Variants in NOC2L observed in about 807,000 individuals in gnomAD.
NOC2L encodes the protein NOC2 like nucleolar associated transcriptional repressor, also known as nucleolar complex protein 2 homolog.
NOC2L carries 101 observed loss-of-function variants against 94.2 expected under a neutral mutation model. That is an observed-to-expected ratio of 1.07 (90% CI 0.91 to 1.26). NOC2L has a LOEUF of 1.26. Ranked by LOEUF, NOC2L falls within the 50% of genes most tolerant of loss-of-function variation. The pLI is 0.00. For missense variants in NOC2L, 1,076 were observed against 980.1 expected, an observed-to-expected ratio of 1.10 and a Z score of -1.31; for synonymous variants, 531 against 413.4, an observed-to-expected ratio of 1.28 and a Z score of -3.45.
intron 1 of NOC2L, 65 bp downstream of exon 1, chr1:959,150 G>A (rs1238388726): frequency 1.2e-5 from 19 of 1,612,064 alleles, no homozygotes; most frequent in Non-Finnish European, 1.5e-5. Context: ...AGAGGAGCAA[G>A]AAAAGCCCCC....
intron 18 of NOC2L, 49 bp downstream of exon 18, chr1:945,008 C>G (rs370704332): frequency 4.3e-6 from 7 of 1,613,116 alleles, no homozygotes; most frequent in Non-Finnish European, 5.1e-6. Flanking sequence ...TCTGCCCTCC[C>G]GCCAGATGGG....
In NOC2L at chr1:957,162, G is replaced by A. The variant is rs767851994; in HGVS notation, c.291C>T (p.Phe97=). The part of the protein sequence containing the change: ...LQENDQSLLN[F]SDSDSSEEEE... ...CCTCCTCAGAGCTGTCCGAGTCGCT[G>A]AAGTTTAGCAGGCTCTGGTCATTCT... The change falls in exon 3 of 19, where the codon TTC becomes TTT. Residue 97 remains phenylalanine (F), a synonymous_variant. Coordinates refer to ENST00000327044, the MANE Select transcript of NOC2L (RefSeq NM_015658.4). 1.2e-5 allele frequency: 20 copies of A among 1,614,114 alleles called. No homozygotes were observed. The highest frequency in any genetic ancestry group is 1.5e-5 in the Non-Finnish European group (18 of 1,180,042).
intron 12 of NOC2L, among the ~76,000 whole-genome samples, chr1:949,758 G>C (rs991422318): frequency 6.6e-6 from 1 of 152,202 alleles, no homozygotes; most frequent in Non-Finnish European, 1.5e-5. Flanking sequence ...TGGGCAATCA[G>C]AGACCACTGC....
At position 944,837 on chromosome 1, in the gene NOC2L, T is replaced by C. The variant is rs61551591; in HGVS notation, c.2144-37A>G. ...GATGGAGGCTACATAAATTTTGCTTTATCAGGAAGAAGCCAGCCTTAGAGG... is the reference window on the plus strand; with the variant it reads ...GATGGAGGCTACATAAATTTTGCTTCATCAGGAAGAAGCCAGCCTTAGAGG... On this transcript the variant is annotated intron_variant, in intron 18 of 18. Transcript: ENST00000327044. 133 of 1,442,842 alleles carry C rather than the reference T, an allele frequency of 9.2e-5. No individual in the cohort carries two copies. The African/African-American group carries it at 1.8e-3, about 19-fold the overall frequency. 89.4% of individuals were successfully genotyped at this position (1,442,842 alleles called of 1,614,324 possible).
At chr1:956,700 G>C (rs1008825341) in intron 4 of NOC2L, among the ~76,000 whole-genome samples, 194 bp downstream of exon 4, 1 of 152,224 alleles carries the variant, frequency 6.6e-6, no homozygotes, top group African/African-American at 2.4e-5. Flanking sequence ...CACTTGCGCT[G>C]AAGAAGGCTC....
Position 944,341 on chromosome 1 carries a change from G to A in NOC2L, c.*353C>T. 4.4e-6 allele frequency: 6 copies of A among 1,378,390 alleles called. No individual in the cohort carries two copies. Among genetic ancestry groups the A allele is most frequent in the Non-Finnish European group, 5.6e-6 (6 of 1,073,800 alleles). The allele number at this position is 1,378,390 out of a possible 1,614,324, so 85.4% of individuals were successfully genotyped here. ...TGGGGGAGTGAAGGCAGAGCCTGGT[G>A]CAGATGGACGAGGTCTGCAGACGGA... On this transcript the variant is annotated 3_prime_UTR_variant, in exon 19 of 19. Coordinates refer to ENST00000327044, the MANE Select transcript of NOC2L (RefSeq NM_015658.4).
intron 2 of NOC2L, chr1:957,506 C>A: frequency 3.7e-6 from 2 of 546,150 alleles, no homozygotes; most frequent in South Asian, 2.1e-5. Flanking sequence ...GCTGTGCCTG[C>A]GCCCTGCGCT....
At chr1:953,315 G>T in intron 8 of NOC2L, 27 bp from the exon 9 acceptor site, 1 of 1,367,026 alleles carries the variant, frequency 7.3e-7, no homozygotes, top group East Asian at 2.3e-5. Context: ...GTCACTGGTG[G>T]CCCCCCAGCC....
At chr1:950,494 T>G (rs1642227133) in intron 12 of NOC2L, among the ~76,000 whole-genome samples, 1 of 150,838 alleles carries the variant, frequency 6.6e-6, no homozygotes, top group Non-Finnish European at 1.5e-5. Flanking sequence ...TACACACTGG[T>G]ATACAAAGAC....
rs373469542 is a variant in NOC2L, at chr1:953,149, G to A, written c.1002+26C>T. On this transcript the variant is annotated intron_variant, in intron 9 of 18. Coordinates refer to ENST00000327044, the MANE Select transcript of NOC2L (RefSeq NM_015658.4). Reference sequence around the variant, plus strand: ...GAGATTTCCAATGCAGATGCTGAGGGACACAGACGCAGGGCCCACCACTAC... The same window carrying A: ...GAGATTTCCAATGCAGATGCTGAGGAACACAGACGCAGGGCCCACCACTAC... 3.2e-4 allele frequency: 484 copies of A among 1,522,086 alleles called. 5 individuals are homozygous for A. In the Middle Eastern group the frequency reaches 4.6e-3, roughly 15 times the overall value. The allele number at this position is 1,522,086 out of a possible 1,614,324, so 94.3% of individuals were successfully genotyped here.
At position 944,533 on chromosome 1, in the gene NOC2L, T is replaced by TA. The variant is rs1371683832; in HGVS notation, c.*160dup. 4.8e-6 allele frequency: 3 copies of TA among 621,580 alleles called. No individual in the cohort carries two copies. The highest frequency in any genetic ancestry group is 8.2e-6 in the Non-Finnish European group (3 of 366,768). The allele number at this position is 621,580 out of a possible 1,614,324, so 38.5% of individuals were successfully genotyped here. A position where few individuals can be genotyped will look rare whatever the true frequency, so the allele number is the denominator to read the frequency against. ...CAGCCCAGCCCAGCCCAGCTCTCGA[T>TA]ACGTTTGGTCTTTCATGCTGAAAAA... On this transcript the variant is annotated 3_prime_UTR_variant, in exon 19 of 19. Transcript: ENST00000327044.
In NOC2L at chr1:946,278, C is replaced by T; in HGVS notation, c.1812G>A (p.Trp604Ter). The change falls in exon 16 of 19, where the codon TGG (tryptophan) becomes TGA (stop). Residue 604 changes from tryptophan to a stop codon, truncating the protein, a stop_gained. Transcript: ENST00000327044. LOFTEE classifies it high-confidence loss of function. Reference protein sequence around the residue: ...GVSEQQAVEAWEKLTREEGTP... With the variant: ...GVSEQQAVEA ...TCCCCTCTTCCCGGGTCAGCTTCTC[C>T]CAGGCTTCCTGGGGGGTTGGGGGAG... The T allele has an allele frequency of 6.2e-7, 1 of 1,613,532 alleles. No individual in the cohort carries two copies. Among genetic ancestry groups the T allele is most frequent in the Non-Finnish European group, 8.5e-7 (1 of 1,179,672 alleles).
intron 6 of NOC2L, among the ~76,000 whole-genome samples, chr1:954,967 C>G (rs1033309703): frequency 2.0e-5 from 3 of 152,270 alleles, no homozygotes; most frequent in Non-Finnish European, 4.4e-5. Flanking sequence ...CCCCCGTCCT[C>G]GACCCTCCTC....
chr1:946,104 G>C, intron 16 of NOC2L, 69 bp downstream of exon 16: 1 of 1,184,514 alleles, frequency 8.4e-7, no homozygotes, highest in South Asian at 1.3e-5. Context: ...CTGGTCTCAA[G>C]TCATAGTGCG....
chr1:944,243 G>T lies in NOC2L; in HGVS notation c.*451C>A, dbSNP rs1249636963. The T allele has an allele frequency of 1.4e-6, 2 of 1,448,456 alleles. No homozygotes were observed. Among genetic ancestry groups the T allele is most frequent in the Non-Finnish European group, 1.8e-6 (2 of 1,101,530 alleles). 89.7% of individuals were successfully genotyped at this position (1,448,456 alleles called of 1,614,324 possible). A position where few individuals can be genotyped will look rare whatever the true frequency, so the allele number is the denominator to read the frequency against. On this transcript the variant is annotated 3_prime_UTR_variant, in exon 19 of 19. Coordinates refer to ENST00000327044, the MANE Select transcript of NOC2L (RefSeq NM_015658.4). ...TGCCTCCCACCGCTTTATTTCTTTCGGTTTCGGATGCAAAACAAAAAATTT... is the reference window on the plus strand; with the variant it reads ...TGCCTCCCACCGCTTTATTTCTTTCTGTTTCGGATGCAAAACAAAAAATTT...
rs997080808 is a variant in NOC2L, at chr1:946,054, C to T, written c.1917+119G>A. 1.1e-5 allele frequency: 8 copies of T among 754,632 alleles called. No homozygotes were observed. In the African/African-American group the frequency reaches 1.2e-4, roughly 12 times the overall value. The allele number at this position is 754,632 out of a possible 1,614,324, so 46.7% of individuals were successfully genotyped here. On this transcript the variant is annotated intron_variant, in intron 16 of 18. Coordinates refer to ENST00000327044, the MANE Select transcript of NOC2L (RefSeq NM_015658.4). ...CCCTCTCCAAGTCGAATCATCCGGG[C>T]ACGGCCCTGGCCGCCTGGCACTGTT...
chr1:955,095 C>T (rs558517311), intron 6 of NOC2L, among the ~76,000 whole-genome samples: 111 of 152,258 alleles, frequency 7.3e-4, no homozygotes, highest in Non-Finnish European at 1.4e-3. Context: ...ACAGGGGTCC[C>T]TGACCTGGTG....
chr1:950,127 C>T (rs1204387367), intron 12 of NOC2L, among the ~76,000 whole-genome samples: 2 of 152,126 alleles, frequency 1.3e-5, no homozygotes, highest in Admixed American at 6.5e-5. Context: ...CGTAGACGCA[C>T]GTACATGCAC....
In NOC2L at chr1:955,981, C is replaced by A. The variant is rs762699507; in HGVS notation, c.640G>T (p.Asp214Tyr). The change falls in exon 6 of 19, where the codon GAC (aspartate) becomes TAC (tyrosine). Residue 214 changes from aspartate to tyrosine, a missense_variant. Asp to Tyr is a radical substitution (Grantham distance 160). Transcript: ENST00000327044. Reference protein sequence around the residue: ...FNALVTFCIRDLIGCLQKLLF... With the variant: ...FNALVTFCIRYLIGCLQKLLF... ...AGCTTCTGGAGACAGCCAATGAGGT[C>A]TCTGATGCAGAAGGTAACCAGAGCA... 1.2e-6 allele frequency: 2 copies of A among 1,613,464 alleles called. No homozygotes were observed. Among genetic ancestry groups the A allele is most frequent in the South Asian group, 2.2e-5 (2 of 91,058 alleles).
Sources: allele counts gnomAD v4.1 joint callset (sites outside exome capture counted in the v4.1 genomes callset), GRCh38; gene constraint gnomAD v4.1.1; transcripts MANE v1.5; gene names NCBI Gene and HGNC (gene_info 2026-07-23, HGNC 2026-07-21).